Variants in CCDC50 observed in about 807,000 individuals in gnomAD.
The protein encoded by CCDC50 is coiled-coil domain containing 50.
CCDC50 carries 54 observed loss-of-function variants against 70.2 expected under a neutral mutation model. That is an observed-to-expected ratio of 0.77 (90% CI 0.62 to 0.96). The LOEUF (loss-of-function observed/expected upper bound fraction) is 0.96. Among genes scored for constraint, CCDC50 ranks in the 50% least tolerant of loss-of-function variants. The pLI is 0.00. For synonymous variants in CCDC50, 216 were observed against 198.8 expected (o/e 1.09, Z -0.73); for missense variants, 558 against 578.7 (o/e 0.96, Z 0.37).
chr3:191,342,261 C>G (rs746340931), intron 1 of CCDC50, among the ~76,000 whole-genome samples: 15 of 152,122 alleles, frequency 9.9e-5, no homozygotes, highest in Non-Finnish European at 2.2e-4. Context: ...TTTGTGAGAG[C>G]AAGATTTTAA....
At chr3:191,330,170 C>G (rs146100100) in intron 1 of CCDC50, among the ~76,000 whole-genome samples, 2 of 152,192 alleles carry the variant, frequency 1.3e-5, no homozygotes, top group African/African-American at 2.4e-5. Flanking sequence ...CCCTCCTTCT[C>G]TCCCTACTTT....
At chr3:191,353,381 A>C (rs1712165775) in intron 1 of CCDC50, among the ~76,000 whole-genome samples, 1 of 142,072 alleles carries the variant, frequency 7.0e-6, no homozygotes, top group Admixed American at 7.2e-5. Context: ...GTGAAGGTGA[A>C]CATGGGAGGC....
chr3:191,376,172 A>T (rs1329002515), intron 6 of CCDC50, among the ~76,000 whole-genome samples: 1 of 152,162 alleles, frequency 6.6e-6, no homozygotes, highest in African/African-American at 2.4e-5. Flanking sequence ...CACATGTATT[A>T]TCATCTCTGG....
intron 4 of CCDC50, among the ~76,000 whole-genome samples, chr3:191,367,755 T>C (rs1318100232): frequency 6.6e-6 from 1 of 152,142 alleles, no homozygotes; most frequent in Admixed American, 6.6e-5. Flanking sequence ...AGGGGAAATA[T>C]TTGTTTACTG....
intron 6 of CCDC50, among the ~76,000 whole-genome samples, chr3:191,376,714 C>T (rs1214549964): frequency 1.3e-5 from 2 of 152,104 alleles, no homozygotes; most frequent in East Asian, 3.8e-4. Context: ...AGAAAGATGG[C>T]TTTGTAAACA....
chr3:191,370,691 G>T (rs1712882689), intron 5 of CCDC50, among the ~76,000 whole-genome samples: 1 of 151,916 alleles, frequency 6.6e-6, no homozygotes, highest in Non-Finnish European at 1.5e-5. Context: ...GTTTCACCAT[G>T]TTGGCCAGGC....
Position 191,350,824 on chromosome 3 carries a change from A to G in CCDC50, c.50-6264A>G, listed in dbSNP as rs746171149. Among the ~76,000 whole-genome samples the G allele has an allele frequency of 2.1e-5, 3 of 141,840 alleles. 1 individual carries two copies. Among genetic ancestry groups the G allele is most frequent in the Non-Finnish European group, 3.2e-5 (2 of 62,938 alleles). The allele number at this position is 141,840 out of a possible 152,430, so 93.1% of individuals were successfully genotyped here. ...GGTTAATCTTGTGCAGAGCTTTTAA[A>G]CTTTTGAGCAGAGTTAGTTTAGCAA... On this transcript the variant is annotated intron_variant, in intron 1 of 11. Transcript: ENST00000392455.
At chr3:191,388,922 C>CT (rs5855367) in intron 10 of CCDC50, among the ~76,000 whole-genome samples, 8,755 of 146,614 alleles carry the variant, frequency 0.06, 443 homozygotes, top group East Asian at 0.25. Flanking sequence ...AAAATTATAT[C>CT]TTTTTTTTTT....
intron 1 of CCDC50, among the ~76,000 whole-genome samples, chr3:191,350,768 A>G (rs1220783310): frequency 7.0e-6 from 1 of 142,068 alleles, no homozygotes; most frequent in African/African-American, 2.5e-5. Context: ...GGAGTTCTTG[A>G]TAGCAGGAGT....
At chr3:191,331,017 T>C (rs147740884) in intron 1 of CCDC50, among the ~76,000 whole-genome samples, 30 of 152,326 alleles carry the variant, frequency 2.0e-4, no homozygotes, top group African/African-American at 7.0e-4. Context: ...TAGAAAACAG[T>C]TTTCACTCTG....
intron 3 of CCDC50, among the ~76,000 whole-genome samples, chr3:191,359,641 G>A (rs1712414106): frequency 6.6e-6 from 1 of 152,158 alleles, no homozygotes; most frequent in African/African-American, 2.4e-5. Flanking sequence ...TGGTGACAGA[G>A]AGGAAGGAGA....
rs753118031 is a variant in CCDC50 at position 191,369,922 on chromosome 3, A to G, written c.334A>G (p.Ile112Val). Residue 112 changes from isoleucine (I) to valine (V), a missense_variant, in exon 5 of 12, where the codon ATA becomes GTA. By Grantham distance (29) the Ile-to-Val change is conservative (BLOSUM62 3). Coordinates refer to ENST00000392455, the MANE Select transcript of CCDC50 (RefSeq NM_178335.3). ...RRIQEKKDEDIARLLQEKELQ... is the reference protein window; with the variant it reads ...RRIQEKKDEDVARLLQEKELQ... ...CATTCTCCTCTTGTCTTTGCAGGAC[A>G]TAGCTCGCCTTTTGCAAGAAAAGGA... The G allele has an allele frequency of 1.6e-5, 25 of 1,608,938 alleles. No individual in the cohort carries two copies. The highest frequency in any genetic ancestry group is 2.0e-5 in the Non-Finnish European group (24 of 1,175,790).
rs974470059 is a variant in CCDC50 at position 191,351,943 on chromosome 3, C to T, written c.50-5145C>T. ...TGACCCCTTTGCCAAGAATGTTTAC[C>T]GCTTCTGTGCATAGGAATTTTAACT... On this transcript the variant is annotated intron_variant, in intron 1 of 11. Coordinates refer to ENST00000392455, the MANE Select transcript of CCDC50 (RefSeq NM_178335.3). Among the ~76,000 whole-genome samples the T allele has an allele frequency of 2.4e-5, 3 of 123,158 alleles. 1 individual carries two copies. The highest frequency in any genetic ancestry group is 5.3e-4 in the South Asian group (2 of 3,794). The allele number at this position is 123,158 out of a possible 152,430, so 80.8% of individuals were successfully genotyped here.
intron 1 of CCDC50, among the ~76,000 whole-genome samples, chr3:191,355,582 C>T (rs1263680177): frequency 6.6e-6 from 1 of 152,146 alleles, no homozygotes; most frequent in Non-Finnish European, 1.5e-5. Context: ...CTTAGAAAAC[C>T]CCTTCTTCCT....
chr3:191,366,564 G>A lies in CCDC50; in HGVS notation c.331-3355G>A, dbSNP rs142826773. On this transcript the variant is annotated intron_variant, in intron 4 of 11. Coordinates refer to ENST00000392455, the MANE Select transcript of CCDC50 (RefSeq NM_178335.3). Reference sequence around the variant, plus strand: ...TTAAAAGAGCTTAAGAGTTCATTTAGATTTGTTTTCCCAAGTTATGTAGAA... The same window carrying A: ...TTAAAAGAGCTTAAGAGTTCATTTAAATTTGTTTTCCCAAGTTATGTAGAA... Among the ~76,000 whole-genome samples the A allele has an allele frequency of 2.7e-3, 407 of 152,132 alleles. 2 individuals are homozygous for A. The highest frequency in any genetic ancestry group is 9.2e-3 in the African/African-American group (383 of 41,528).
intron 4 of CCDC50, among the ~76,000 whole-genome samples, chr3:191,366,944 G>A (rs1055214072): frequency 5.3e-5 from 8 of 152,006 alleles, no homozygotes; most frequent in African/African-American, 1.9e-4. Context: ...GCTTGTTTCA[G>A]GGGGATTTAC....
At chr3:191,341,305 A>T (rs749527846) in intron 1 of CCDC50, among the ~76,000 whole-genome samples, 3 of 152,180 alleles carry the variant, frequency 2.0e-5, no homozygotes, top group Non-Finnish European at 4.4e-5. Flanking sequence ...TGAGTAGCAG[A>T]TGCTTTCTTT....
In CCDC50 at chr3:191,370,343, G is replaced by A. The variant is rs368791573; in HGVS notation, c.448+307G>A. 16 of 340,328 alleles carry A rather than the reference G, an allele frequency of 4.7e-5. No homozygotes were observed. In the Admixed American group the frequency reaches 5.1e-4, roughly 11 times the overall value. The allele number at this position is 340,328 out of a possible 1,614,324, so 21.1% of individuals were successfully genotyped here. On this transcript the variant is annotated intron_variant, in intron 5 of 11. Coordinates refer to ENST00000392455, the MANE Select transcript of CCDC50 (RefSeq NM_178335.3). ...CTCGTCATTTAACATTAGGTATATCGCCTAATGCTATCCCTCCCCCCTCCC... is the reference window on the plus strand; with the variant it reads ...CTCGTCATTTAACATTAGGTATATCACCTAATGCTATCCCTCCCCCCTCCC...
Position 191,347,893 on chromosome 3 carries a change from G to A in CCDC50, c.50-9195G>A, listed in dbSNP as rs182803965. On this transcript the variant is annotated intron_variant, in intron 1 of 11. Coordinates refer to ENST00000392455, the MANE Select transcript of CCDC50 (RefSeq NM_178335.3). ...TCGTGTTATGTCCTGTGCACTAGTC[G>A]TCATTGTTCTCAGGATCCATCTTTT... Among the ~76,000 whole-genome samples, 345 of 142,046 alleles carry A rather than the reference G, an allele frequency of 2.4e-3. 59 individuals carry two copies. Among genetic ancestry groups the A allele is most frequent in the Admixed American group, 0.018 (244 of 13,902 alleles). The allele number at this position is 142,046 out of a possible 152,430, so 93.2% of individuals were successfully genotyped here.
Sources: allele counts gnomAD v4.1 joint callset (sites outside exome capture counted in the v4.1 genomes callset), GRCh38; gene constraint gnomAD v4.1.1; transcripts MANE v1.5; gene names NCBI Gene and HGNC (gene_info 2026-07-23, HGNC 2026-07-21).